ADAMTS19: variants seen among roughly 807,000 people sequenced by gnomAD.
The protein encoded by ADAMTS19 is ADAM metallopeptidase with thrombospondin type 1 motif 19.
In ADAMTS19, 93 loss-of-function variants were observed where a neutral mutation model predicts 153.3. The observed-to-expected ratio is 0.61, with a 90% confidence interval of 0.51 to 0.72. The LOEUF (loss-of-function observed/expected upper bound fraction) is 0.72. Ranked by LOEUF, ADAMTS19 falls within the 30% of genes least tolerant of loss-of-function variation. The probability of loss-of-function intolerance (pLI) is 0.00; values close to 1 mark genes in which losing one functional copy is unlikely to be tolerated. For synonymous variants in ADAMTS19, 600 were observed against 556.6 expected, an observed-to-expected ratio of 1.08 and a Z score of -1.10; for missense variants, 1,482 against 1,552.1, an observed-to-expected ratio of 0.95 and a Z score of 0.76.
chr5:129,555,406 C>A (rs1753279688), intron 7 of ADAMTS19, among the ~76,000 whole-genome samples: 1 of 152,052 alleles, frequency 6.6e-6, no homozygotes, highest in Non-Finnish European at 1.5e-5. Flanking sequence ...AATCTGAACT[C>A]CCTAGTTTTG....
At chr5:129,541,942 T>C (rs559544460) in intron 6 of ADAMTS19, among the ~76,000 whole-genome samples, 1 of 152,242 alleles carries the variant, frequency 6.6e-6, no homozygotes, top group South Asian at 2.1e-4. Flanking sequence ...ATTTTGTCAT[T>C]TATTTATAAT....
In ADAMTS19 at chr5:129,608,116, G is replaced by GTATA. The variant is rs1554098182; in HGVS notation, c.1478+11473_1478+11476dup. ...TGTGTGTGTGTGTGTGTGTGTGTGT[G>GTATA]TATATATATATATATATATATATAA... On this transcript the variant is annotated intron_variant, in intron 8 of 22. Transcript: ENST00000274487. 4.2e-3 allele frequency among the ~76,000 whole-genome samples: 202 copies of GTATA among 47,936 alleles called. 15 individuals carry two copies. Among genetic ancestry groups the GTATA allele is most frequent in the African/African-American group, 8.8e-3 (163 of 18,436 alleles). 31.4% of individuals were successfully genotyped at this position (47,936 alleles called of 152,430 possible).
chr5:129,633,168 G>C (rs1045807654), intron 10 of ADAMTS19, among the ~76,000 whole-genome samples: 4 of 151,774 alleles, frequency 2.6e-5, no homozygotes, highest in African/African-American at 9.7e-5. Context: ...AATCCATTCA[G>C]TCAACTTTTA....
rs563582551 is a variant in ADAMTS19 at position 129,547,749 on chromosome 5, G to A, written c.1329-4115G>A. 6.6e-5 allele frequency among the ~76,000 whole-genome samples: 10 copies of A among 150,678 alleles called. No individual in the cohort carries two copies. The South Asian group carries it at 2.1e-3, about 31-fold the overall frequency. On this transcript the variant is annotated intron_variant, in intron 6 of 22. Transcript: ENST00000274487. ...CTAAGCCAAAAGAACAAAGCTGGAG[G>A]CATCACACTACCTGACTTCAAACTA...
At chr5:129,531,154 T>C (rs1752189682) in intron 6 of ADAMTS19, among the ~76,000 whole-genome samples, 1 of 152,148 alleles carries the variant, frequency 6.6e-6, no homozygotes, top group South Asian at 2.1e-4. Context: ...TAAAGATTAA[T>C]TCATTGGAAT....
intron 10 of ADAMTS19, among the ~76,000 whole-genome samples, chr5:129,632,138 G>C (rs945310310): frequency 2.0e-5 from 3 of 152,002 alleles, no homozygotes; most frequent in Non-Finnish European, 4.4e-5. Context: ...ATCAGCCATA[G>C]ATAATATGTA....
In ADAMTS19 at chr5:129,684,122, G is replaced by T. The variant is rs779031592; in HGVS notation, c.2667G>T (p.Val889=). 3 of 1,613,270 alleles carry T rather than the reference G, an allele frequency of 1.9e-6. No individual in the cohort carries two copies. In the African/African-American group the frequency reaches 4.0e-5, roughly 22 times the overall value. Reference sequence around the variant, plus strand: ...TTGATCATTTTTGTATACTATAGGTGCTCCTGTTTCAGGATCAGAATTATG... The same window carrying T: ...TTGATCATTTTTGTATACTATAGGTTCTCCTGTTTCAGGATCAGAATTATG... ...GPTTAPLHLL[V]LLFQDQNYGL... The change falls in exon 18 of 23, where the codon GTG becomes GTT. Residue 889 remains valine, a splice_region_variant and synonymous_variant. Coordinates refer to ENST00000274487, the MANE Select transcript of ADAMTS19 (RefSeq NM_133638.6).
At chr5:129,728,057 T>C (rs1561673550) in intron 21 of ADAMTS19, among the ~76,000 whole-genome samples, 1 of 152,130 alleles carries the variant, frequency 6.6e-6, no homozygotes, top group Non-Finnish European at 1.5e-5. Context: ...GTGATGAAAG[T>C]GTCTTCTGGT....
At position 129,684,162 on chromosome 5, in the gene ADAMTS19, T is replaced by C; in HGVS notation, c.2707T>C (p.Tyr903His). The stretch of plus-strand genomic sequence containing the variant: ...TCAGAATTATGGTCTTCACTATGAA[T>C]ACACTATCCCATCAGACCCTCTTCC... ...QDQNYGLHYE[Y>H]TIPSDPLPEN... The change falls in exon 18 of 23, where the codon TAC (tyrosine) becomes CAC (histidine). Residue 903 changes from tyrosine (Y) to histidine (H), a missense_variant. Coordinates refer to ENST00000274487, the MANE Select transcript of ADAMTS19 (RefSeq NM_133638.6). 6.2e-7 allele frequency: 1 copy of C among 1,614,142 alleles called. No homozygotes were observed. Among genetic ancestry groups the C allele is most frequent in the Non-Finnish European group, 8.5e-7 (1 of 1,180,024 alleles).
chr5:129,546,422 C>G (rs1752863467), intron 6 of ADAMTS19, among the ~76,000 whole-genome samples: 1 of 149,986 alleles, frequency 6.7e-6, no homozygotes, highest in Non-Finnish European at 1.5e-5. Flanking sequence ...TAAATAAAAA[C>G]AAAATCAGTA....
At chr5:129,542,445 G>A (rs1752689527) in intron 6 of ADAMTS19, among the ~76,000 whole-genome samples, 1 of 152,142 alleles carries the variant, frequency 6.6e-6, no homozygotes, top group South Asian at 2.1e-4. Flanking sequence ...GGACTATGAA[G>A]GAACCATTTG....
chr5:129,697,798 A>G (rs1439751352), intron 19 of ADAMTS19, among the ~76,000 whole-genome samples: 2 of 152,268 alleles, frequency 1.3e-5, no homozygotes, highest in African/African-American at 4.8e-5. Context: ...CTTTTTCTCT[A>G]TCCCCTTTAA....
chr5:129,658,630 A>G lies in ADAMTS19; in HGVS notation c.2318A>G (p.Asp773Gly), dbSNP rs112621463. The change falls in exon 15 of 23, where the codon GAT becomes GGT. Residue 773 changes from aspartate (D) to glycine (G), a missense_variant. Transcript: ENST00000274487. ...CTCTTGTTACAGAAAGTTGGCTGTGATGGTTTATTAGGGTCTCTTGCAAGA... is the reference window on the plus strand; with the variant it reads ...CTCTTGTTACAGAAAGTTGGCTGTGGTGGTTTATTAGGGTCTCTTGCAAGA... ...ANGRCQKVGC[D>G]GLLGSLARED... is the part of the protein sequence containing the mutation. 5 of 1,611,280 alleles carry G rather than the reference A, an allele frequency of 3.1e-6. No homozygotes were observed. The highest frequency in any genetic ancestry group is 4.2e-6 in the Non-Finnish European group (5 of 1,178,988).
chr5:129,512,626 C>T (rs1751478187), intron 3 of ADAMTS19, among the ~76,000 whole-genome samples: 1 of 152,016 alleles, frequency 6.6e-6, no homozygotes, highest in Non-Finnish European at 1.5e-5. Context: ...TCCAGGTAGC[C>T]TATTTAAGTG....
chr5:129,659,543 C>A (rs1231314786), intron 15 of ADAMTS19, among the ~76,000 whole-genome samples: 1 of 152,106 alleles, frequency 6.6e-6, no homozygotes, highest in African/African-American at 2.4e-5. Context: ...TATCTATTTT[C>A]ATGATTGATA....
intron 9 of ADAMTS19, among the ~76,000 whole-genome samples, chr5:129,621,946 A>C (rs977603727): frequency 6.6e-6 from 1 of 152,178 alleles, no homozygotes; most frequent in Non-Finnish European, 1.5e-5. Context: ...TGTTATGTAG[A>C]TCAGCTGAGT....
intron 21 of ADAMTS19, among the ~76,000 whole-genome samples, chr5:129,714,022 AAAGT>A (rs1422633974): frequency 6.6e-6 from 1 of 152,210 alleles, no homozygotes; most frequent in Admixed American, 6.5e-5. Flanking sequence ...CATGCAAGTA[AAAGT>A]AATAATCCAG....
chr5:129,643,158 C>G (rs1027632685), intron 11 of ADAMTS19, among the ~76,000 whole-genome samples: 1 of 147,638 alleles, frequency 6.8e-6, no homozygotes. Context: ...TGTGAATACA[C>G]ACACAAAAGC....
intron 21 of ADAMTS19, among the ~76,000 whole-genome samples, chr5:129,729,163 T>C (rs556123264): frequency 5.0e-4 from 76 of 152,176 alleles, no homozygotes; most frequent in African/African-American, 1.8e-3. Flanking sequence ...GAAAAATAAG[T>C]TTCAGGTAAA....
Sources: allele counts gnomAD v4.1 joint callset (sites outside exome capture counted in the v4.1 genomes callset), GRCh38; gene constraint gnomAD v4.1.1; transcripts MANE v1.5; gene names NCBI Gene and HGNC (gene_info 2026-07-23, HGNC 2026-07-21).